The following SIL1 variants were observed in gnomAD, a reference collection of about 807,000 sequenced individuals.
SIL1 encodes the protein SIL1 nucleotide exchange factor.
In SIL1, 40 loss-of-function variants were observed where a neutral mutation model predicts 49.1. The ratio of observed to expected loss-of-function variants is 0.81; its 90% confidence interval spans 0.63 to 1.06. SIL1 has a LOEUF of 1.06. SIL1 is among the 50% of genes least tolerant of loss of function. The pLI is 0.00. For synonymous variants in SIL1, 253 were observed against 250.8 expected (o/e 1.01, Z -0.08); for missense variants, 500 against 572.6 (o/e 0.87, Z 1.29).
At chr5:139,168,997 A>G (rs1002492649) in intron 1 of SIL1, among the ~76,000 whole-genome samples, 1 of 151,976 alleles carries the variant, frequency 6.6e-6, no homozygotes, top group Admixed American at 6.6e-5. Flanking sequence ...AGGCAACTAC[A>G]TAAGCCTGTC....
chr5:138,947,001 T>G lies in SIL1; in HGVS notation c.*116A>C. On this transcript the variant is annotated 3_prime_UTR_variant, in exon 10 of 10. Transcript: ENST00000394817. This position sits in a 1 kb window ranked among gnomAD's most constrained non-coding sequence, Gnocchi z 4.1. ...AGCAGAAAGAGGATGGCCTTCAGGTTTCCATTTAATGGCCAAGCCAGCACT... is the reference window on the plus strand; with the variant it reads ...AGCAGAAAGAGGATGGCCTTCAGGTGTCCATTTAATGGCCAAGCCAGCACT... 2.5e-6 allele frequency: 2 copies of G among 802,338 alleles called. No homozygotes were observed. Among genetic ancestry groups the G allele is most frequent in the Non-Finnish European group, 4.3e-6 (2 of 465,284 alleles). The allele number at this position is 802,338 out of a possible 1,614,324, so 49.7% of individuals were successfully genotyped here. A position where few individuals can be genotyped will look rare whatever the true frequency, so the allele number is the denominator to read the frequency against.
chr5:138,972,857 C>A (rs1238088272), intron 7 of SIL1, among the ~76,000 whole-genome samples: 1 of 152,180 alleles, frequency 6.6e-6, no homozygotes, highest in Non-Finnish European at 1.5e-5. Flanking sequence ...GAGGGTAAAA[C>A]CCTGGGTCCA....
At chr5:138,975,356 A>T (rs1187769408) in intron 7 of SIL1, among the ~76,000 whole-genome samples, 2 of 152,152 alleles carry the variant, frequency 1.3e-5, no homozygotes, top group Non-Finnish European at 2.9e-5. Context: ...ACTTCAGCCA[A>T]GAGGCAGCTA....
At chr5:139,025,683 A>C (rs942887047) in intron 6 of SIL1, among the ~76,000 whole-genome samples, 3 of 151,500 alleles carry the variant, frequency 2.0e-5, no homozygotes, top group African/African-American at 7.3e-5. Context: ...TGCTCCAGTC[A>C]CTCCAATCTT....
intron 7 of SIL1, among the ~76,000 whole-genome samples, chr5:138,992,370 C>T (rs1438981444): frequency 6.6e-6 from 1 of 152,176 alleles, no homozygotes; most frequent in African/African-American, 2.4e-5. Flanking sequence ...GTAACCATCC[C>T]ATAAGTTAAC....
intron 3 of SIL1, among the ~76,000 whole-genome samples, chr5:139,118,452 C>T (rs527863818): frequency 3.9e-5 from 6 of 152,132 alleles, no homozygotes; most frequent in Non-Finnish European, 7.4e-5. Flanking sequence ...CAACAGCCTC[C>T]GCAGCAGGCA....
intron 7 of SIL1, among the ~76,000 whole-genome samples, chr5:138,995,509 G>A (rs1398042653): frequency 6.6e-6 from 1 of 152,146 alleles, no homozygotes; most frequent in African/African-American, 2.4e-5. Flanking sequence ...CCAAAGTGCT[G>A]GGATTACAGG....
chr5:139,106,284 T>C (rs1267905698), intron 3 of SIL1, among the ~76,000 whole-genome samples: 1 of 152,228 alleles, frequency 6.6e-6, no homozygotes, highest in Non-Finnish European at 1.5e-5. Flanking sequence ...CCACTTCTCC[T>C]TCCCACTGGC....
At chr5:139,144,424 G>C (rs1751152600) in intron 1 of SIL1, among the ~76,000 whole-genome samples, 4 of 152,178 alleles carry the variant, frequency 2.6e-5, no homozygotes, top group Admixed American at 2.6e-4. Flanking sequence ...TAAGGCTAGA[G>C]TAATCAAAAG....
intron 3 of SIL1, among the ~76,000 whole-genome samples, chr5:139,081,626 C>A (rs769314205): frequency 3.1e-4 from 47 of 152,274 alleles, no homozygotes; most frequent in Non-Finnish European, 5.9e-4. Context: ...CACCTGTAAT[C>A]CCAGCACTCT....
intron 7 of SIL1, among the ~76,000 whole-genome samples, chr5:138,967,957 G>C (rs1767181071): frequency 6.6e-6 from 1 of 152,186 alleles, no homozygotes; most frequent in South Asian, 2.1e-4. Flanking sequence ...GACAGGGCAA[G>C]AGCAAGACGA....
intron 3 of SIL1, among the ~76,000 whole-genome samples, chr5:139,058,970 A>ATGTGTGTGTGTGTGTGTGTGTGTGTGTG (rs61070788): frequency 6.7e-6 from 1 of 150,228 alleles, no homozygotes; most frequent in African/African-American, 2.5e-5. Flanking sequence ...AGAAATGTGT[A>ATGTGTGTGTGTGTGTGTGTGTGTGTGTG]TGTGTGTGTG....
intron 3 of SIL1, among the ~76,000 whole-genome samples, chr5:139,056,723 G>A (rs1221722274): frequency 3.4e-5 from 5 of 147,496 alleles, no homozygotes; most frequent in African/African-American, 4.9e-5. Context: ...CCGGCCAGCC[G>A]CCCCGCCCGG....
chr5:139,132,248 G>A (rs1260853996), intron 1 of SIL1, among the ~76,000 whole-genome samples: 2 of 152,228 alleles, frequency 1.3e-5, no homozygotes, highest in Non-Finnish European at 2.9e-5. Flanking sequence ...GTCAGGGGCA[G>A]CTGATGCACA....
intron 1 of SIL1, among the ~76,000 whole-genome samples, chr5:139,197,935 C>G (rs1245876294): frequency 6.6e-6 from 1 of 152,200 alleles, no homozygotes. Flanking sequence ...ACCCCTTCTT[C>G]GGACAGATAC....
At chr5:138,980,821 G>A (rs1427181417) in intron 7 of SIL1, among the ~76,000 whole-genome samples, 1 of 152,148 alleles carries the variant, frequency 6.6e-6, no homozygotes, top group Non-Finnish European at 1.5e-5. Flanking sequence ...CAGTGGCAGA[G>A]TCCCTCTCCT....
intron 1 of SIL1, among the ~76,000 whole-genome samples, chr5:139,176,334 C>T (rs898879200): frequency 1.3e-5 from 2 of 152,178 alleles, no homozygotes; most frequent in African/African-American, 4.8e-5. Flanking sequence ...CAGCTCTCTT[C>T]TGAACCTTCG....
At chr5:139,072,933 T>C (rs1769867691) in intron 3 of SIL1, among the ~76,000 whole-genome samples, 1 of 151,960 alleles carries the variant, frequency 6.6e-6, no homozygotes, top group South Asian at 2.1e-4. Context: ...GACATACAAA[T>C]GGCCAACAGG....
At chr5:138,971,645 C>T (rs1019176105) in intron 7 of SIL1, among the ~76,000 whole-genome samples, 1 of 152,214 alleles carries the variant, frequency 6.6e-6, no homozygotes, top group Non-Finnish European at 1.5e-5. Context: ...CCCAGAGTTG[C>T]TCCCCATTCA....
Sources: gnomAD v4.1 joint callset for allele counts (sites outside exome capture counted in the v4.1 genomes callset) on GRCh38, gnomAD v4.1.1 for gene constraint, Gnocchi (gnomAD v3.1) non-coding constraint, MANE v1.5 for transcripts, NCBI Gene and HGNC (gene_info 2026-07-23, HGNC 2026-07-21) for gene names.